The following SMYD3 variants were observed in gnomAD, a reference collection of about 807,000 sequenced individuals.
SMYD3 encodes histone-lysine N-methyltransferase SMYD3.
Under a neutral mutation model 57.7 loss-of-function variants are expected in SMYD3, and 36 were observed. That is an observed-to-expected ratio of 0.62 (90% CI 0.48 to 0.82). The LOEUF (loss-of-function observed/expected upper bound fraction) is 0.82, where lower values mean the gene tolerates loss of function less well. Among genes scored for constraint, SMYD3 ranks in the 40% least tolerant of loss-of-function variants. SMYD3 has a pLI of 0.00. For synonymous variants in SMYD3, 211 were observed against 195.0 expected (o/e 1.08, Z -0.68); for missense variants, 515 against 538.8 (o/e 0.96, Z 0.44).
In SMYD3 at chr1:245,764,106, T is replaced by A. The variant is rs768378444; in HGVS notation, c.1120A>T (p.Met374Leu). The A allele has an allele frequency of 6.2e-7, 1 of 1,614,106 alleles. No homozygotes were observed. ...GSHPVRGVQV[M>L]KVGKLQLHQG... Reference sequence around the variant, plus strand: ...TGTAGCTGCAGTTTGCCAACTTTCATCACTTGAACCCCTCTGACGGGATGG... The same window carrying A: ...TGTAGCTGCAGTTTGCCAACTTTCAACACTTGAACCCCTCTGACGGGATGG... Residue 374 changes from methionine to leucine, a missense_variant, in exon 11 of 12, where the codon ATG (methionine) becomes TTG (leucine). Physicochemically the swap from Met to Leu is conservative, Grantham distance 15. Coordinates refer to ENST00000490107, the MANE Select transcript of SMYD3 (RefSeq NM_001167740.2).
intron 10 of SMYD3, among the ~76,000 whole-genome samples, chr1:245,802,485 ATGAT>A (rs752480164): frequency 6.6e-6 from 1 of 152,230 alleles, no homozygotes; most frequent in Non-Finnish European, 1.5e-5. Context: ...CTCTTGAAAA[ATGAT>A]TGGTTTTTTA....
chr1:245,892,337 T>C (rs967138703), intron 8 of SMYD3, among the ~76,000 whole-genome samples: 1 of 152,222 alleles, frequency 6.6e-6, no homozygotes, highest in Admixed American at 6.5e-5. Flanking sequence ...TCCCAATCTA[T>C]ACATATATTA....
At chr1:245,835,223 G>C (rs2050049304) in intron 10 of SMYD3, among the ~76,000 whole-genome samples, 1 of 150,392 alleles carries the variant, frequency 6.6e-6, no homozygotes. Context: ...AGGTTCAAGT[G>C]ATTCTCCTGC....
intron 8 of SMYD3, among the ~76,000 whole-genome samples, chr1:245,889,865 A>G (rs538582705): frequency 6.6e-6 from 1 of 152,224 alleles, no homozygotes; most frequent in African/African-American, 2.4e-5. Context: ...TAACCAAAAC[A>G]GCATGGTACT....
At chr1:245,946,039 G>A (rs2057417960) in intron 5 of SMYD3, among the ~76,000 whole-genome samples, 1 of 152,270 alleles carries the variant, frequency 6.6e-6, no homozygotes, top group Non-Finnish European at 1.5e-5. Flanking sequence ...GTGATGGGGT[G>A]ATAGCTGCAG....
At chr1:246,110,848 C>T (rs1228515005) in intron 5 of SMYD3, among the ~76,000 whole-genome samples, 1 of 152,330 alleles carries the variant, frequency 6.6e-6, no homozygotes, top group Admixed American at 6.5e-5. Context: ...ATGTTCCTTA[C>T]ACCTACCAAT....
At chr1:246,225,321 CAAAAAAAAAAAAAAAAAAAA>C (rs60915002) in intron 5 of SMYD3, among the ~76,000 whole-genome samples, 1,147 of 76,322 alleles carry the variant, frequency 0.015, 25 homozygotes, top group African/African-American at 0.048. Flanking sequence ...GCTGAAAAGT[CAAAAAAAAAAAAAAAAAAAA>C]AAAAAAAAAA....
At chr1:246,405,166 G>A (rs1345467160) in intron 1 of SMYD3, among the ~76,000 whole-genome samples, 1 of 152,006 alleles carries the variant, frequency 6.6e-6, no homozygotes, top group Non-Finnish European at 1.5e-5. Context: ...TGCCCAGGCT[G>A]GTCTCAAACT....
intron 7 of SMYD3, among the ~76,000 whole-genome samples, chr1:245,925,524 G>T (rs1266113897): frequency 1.3e-5 from 2 of 152,128 alleles, no homozygotes; most frequent in African/African-American, 4.8e-5. Context: ...TTGGGGGATG[G>T]CTACAGGCAT....
At chr1:246,014,004 C>T (rs894449828) in intron 5 of SMYD3, among the ~76,000 whole-genome samples, 5 of 152,168 alleles carry the variant, frequency 3.3e-5, no homozygotes, top group Non-Finnish European at 7.3e-5. Flanking sequence ...AGGAATTTGG[C>T]TTTCATCAGC....
intron 1 of SMYD3, among the ~76,000 whole-genome samples, chr1:246,406,027 G>T (rs56370350): frequency 1.3e-5 from 2 of 152,134 alleles, no homozygotes; most frequent in South Asian, 4.1e-4. Context: ...TTCTCCTGTA[G>T]GTTAAATCGC....
chr1:245,755,934 G>A (rs570126287), intron 11 of SMYD3, among the ~76,000 whole-genome samples: 5 of 151,362 alleles, frequency 3.3e-5, no homozygotes, highest in South Asian at 2.1e-4. Context: ...AATACATCAG[G>A]GCTTAAATCT....
intron 5 of SMYD3, among the ~76,000 whole-genome samples, chr1:246,018,657 T>G (rs1206374135): frequency 6.6e-6 from 1 of 152,024 alleles, no homozygotes; most frequent in Non-Finnish European, 1.5e-5. Context: ...TAGGCTGGAG[T>G]ACAGTGGCAA....
rs559645694 is a variant in SMYD3 at position 246,279,473 on chromosome 1, A to G, written c.531+47728T>C. Among the ~76,000 whole-genome samples, 23 of 152,294 alleles carry G rather than the reference A, an allele frequency of 1.5e-4. No individual in the cohort carries two copies. In the South Asian group the frequency reaches 4.4e-3, roughly 29 times the overall value. ...GAGGCGGAGGTTGCAATGAGCCAAG[A>G]TCATGTCATTGCACTCCAGCCTGGC... On this transcript the variant is annotated intron_variant, in intron 5 of 11. Coordinates refer to ENST00000490107, the MANE Select transcript of SMYD3 (RefSeq NM_001167740.2).
chr1:246,384,998 C>A (rs1449068780), intron 1 of SMYD3, among the ~76,000 whole-genome samples: 2 of 152,100 alleles, frequency 1.3e-5, no homozygotes, highest in Non-Finnish European at 2.9e-5. Context: ...ATAAAGAAAT[C>A]TTTCATTCAT....
chr1:245,751,309 GGT>G (rs1354636393), intron 11 of SMYD3, among the ~76,000 whole-genome samples: 1 of 152,196 alleles, frequency 6.6e-6, no homozygotes, highest in African/African-American at 2.4e-5. Flanking sequence ...AGACCTTGGT[GGT>G]CATGTGGTGA....
chr1:245,866,500 G>A (rs1347225096), intron 8 of SMYD3, among the ~76,000 whole-genome samples: 1 of 152,136 alleles, frequency 6.6e-6, no homozygotes, highest in Non-Finnish European at 1.5e-5. Context: ...GGGAGGCCGA[G>A]ACAGGTGGAT....
rs777414362 is a variant in SMYD3, at chr1:246,166,108, AAAG to A, written c.531+161090_531+161092del. On this transcript the variant is annotated intron_variant, in intron 5 of 11. Coordinates refer to ENST00000490107, the MANE Select transcript of SMYD3 (RefSeq NM_001167740.2). ...GGTTCCCCTCCCTTTTTTAAAAAAA[AAAG>A]AAGAAGAAAAGCACTATCTGTTTTC... Among the ~76,000 whole-genome samples the A allele has an allele frequency of 6.6e-5, 10 of 152,166 alleles. No homozygotes were observed. In the East Asian group the frequency reaches 1.2e-3, roughly 18 times the overall value.
intron 7 of SMYD3, among the ~76,000 whole-genome samples, chr1:245,916,629 C>T (rs900360476): frequency 7.9e-5 from 12 of 152,158 alleles, no homozygotes; most frequent in African/African-American, 2.9e-4. Context: ...TTAAAAACTA[C>T]CCAGAATCAA....
Sources: gnomAD v4.1 joint callset for allele counts (sites outside exome capture counted in the v4.1 genomes callset) on GRCh38, gnomAD v4.1.1 for gene constraint, MANE v1.5 for transcripts, NCBI Gene and HGNC (gene_info 2026-07-23, HGNC 2026-07-21) for gene names.